Variants in ZNF107 observed in about 807,000 individuals in gnomAD.
ZNF107 encodes C2H2 type zinc-finger protein.
A neutral mutation model predicts 12.3 loss-of-function variants in ZNF107; 19 were observed. The ratio of observed to expected loss-of-function variants is 1.55; its 90% CI spans 1.08 to 2.27. The LOEUF (loss-of-function observed/expected upper bound fraction) is 2.27. Ranked by LOEUF, ZNF107 falls within the 30% of genes most tolerant of loss-of-function variation. The pLI is 0.00. For synonymous variants in ZNF107, 317 were observed against 330.5 expected (o/e 0.96, Z 0.44); for missense variants, 958 against 979.9 (o/e 0.98, Z 0.30).
chr7:64,704,268 A>G (rs946225138), intron 3 of ZNF107, among the ~76,000 whole-genome samples: 5 of 152,034 alleles, frequency 3.3e-5, no homozygotes, highest in Non-Finnish European at 5.9e-5. Context: ...TTTTTTTTAG[A>G]TGGAGTCTCA....
intron 1 of ZNF107, among the ~76,000 whole-genome samples, chr7:64,672,645 G>GACAC (rs1322985366): frequency 2.0e-5 from 3 of 152,214 alleles, no homozygotes; most frequent in Admixed American, 6.5e-5. Context: ...TTACAGGTGT[G>GACAC]AGCCACCGTG....
intron 3 of ZNF107, among the ~76,000 whole-genome samples, chr7:64,705,617 G>A (rs1210457096): frequency 1.3e-5 from 2 of 151,328 alleles, no homozygotes; most frequent in East Asian, 3.9e-4. Context: ...GGCATAGTTG[G>A]AAACCATTTG....
At chr7:64,666,975 C>G (rs1233541004) in intron 1 of ZNF107, among the ~76,000 whole-genome samples, 1 of 140,934 alleles carries the variant, frequency 7.1e-6, no homozygotes, top group African/African-American at 2.8e-5. Context: ...TTGATTAAGT[C>G]TAAATTTTGT....
Position 64,706,853 on chromosome 7 carries a change from T to C in ZNF107, c.756T>C (p.Thr252=). The part of the protein sequence containing the change: ...SQLTRHKIIH[T]EEKPNKCEEC... ...TTACTAGGCATAAGATAATTCATAC[T>C]GAAGAGAAACCCAACAAATGTGAAG... is the stretch of plus-strand genomic sequence containing the variant. Residue 252 remains threonine, a synonymous_variant, in exon 4 of 4, where the codon ACT becomes ACC. Coordinates refer to ENST00000620827, the MANE Select transcript of ZNF107 (RefSeq NM_001282359.2). The C allele has an allele frequency of 6.2e-7, 1 of 1,613,584 alleles. No individual in the cohort carries two copies. Among genetic ancestry groups the C allele is most frequent in the Non-Finnish European group, 8.5e-7 (1 of 1,179,774 alleles).
At chr7:64,697,979 C>T (rs1267578110) in intron 3 of ZNF107, among the ~76,000 whole-genome samples, 4 of 152,042 alleles carry the variant, frequency 2.6e-5, no homozygotes, top group Non-Finnish European at 4.4e-5. Context: ...CGCGCCCGGC[C>T]GGTAAAACAT....
At chr7:64,673,107 G>A (rs1043204338) in intron 1 of ZNF107, among the ~76,000 whole-genome samples, 2 of 152,148 alleles carry the variant, frequency 1.3e-5, no homozygotes, top group Non-Finnish European at 2.9e-5. Flanking sequence ...GCAGTGGCAC[G>A]ATCTTGGCTC....
intron 1 of ZNF107, among the ~76,000 whole-genome samples, chr7:64,678,418 T>G (rs1287966145): frequency 6.6e-6 from 1 of 152,230 alleles, no homozygotes; most frequent in Non-Finnish European, 1.5e-5. Flanking sequence ...TATGTAGTTG[T>G]TCTTTGGTTT....
At chr7:64,692,055 G>C in intron 3 of ZNF107, 95 bp downstream of exon 3, 1 of 843,206 alleles carries the variant, frequency 1.2e-6, no homozygotes, top group Non-Finnish European at 1.6e-6. Context: ...TTGGGAAGCT[G>C]TGTTCCAAAG....
chr7:64,671,666 A>G (rs976545421), intron 1 of ZNF107, among the ~76,000 whole-genome samples: 1 of 151,828 alleles, frequency 6.6e-6, no homozygotes, highest in African/African-American at 2.4e-5. Flanking sequence ...TGGAGTACAC[A>G]TGCAGTTTGT....
chr7:64,692,019 GA>G (rs1186739391), intron 3 of ZNF107, 59 bp downstream of exon 3: 8 of 1,140,542 alleles, frequency 7.0e-6, no homozygotes, highest in South Asian at 3.4e-5. Flanking sequence ...AAAGGTCAAA[GA>G]AAAAGCCAGT....
At chr7:64,700,461 G>A (rs935531827) in intron 3 of ZNF107, among the ~76,000 whole-genome samples, 1 of 145,226 alleles carries the variant, frequency 6.9e-6, no homozygotes, top group Non-Finnish European at 1.5e-5. Context: ...ATGCTGGCAT[G>A]CACTTCTTGT....
At chr7:64,700,831 T>C (rs752307633) in intron 3 of ZNF107, among the ~76,000 whole-genome samples, 4 of 152,184 alleles carry the variant, frequency 2.6e-5, no homozygotes, top group Non-Finnish European at 5.9e-5. Context: ...TGAGCCACCA[T>C]GCCTGGCCAT....
chr7:64,707,288 C>G lies in ZNF107; in HGVS notation c.1191C>G (p.Tyr397Ter), dbSNP rs376350739. The change falls in exon 4 of 4, where the codon TAC becomes TAG. Residue 397 changes from tyrosine (Y) to a stop codon, truncating the protein, a stop_gained. Coordinates refer to ENST00000620827, the MANE Select transcript of ZNF107 (RefSeq NM_001282359.2). LOFTEE classifies it low-confidence loss of function (END_TRUNC). ...HKKILMEEKPYKCEECGKVFN... is the reference protein window; with the variant it reads ...HKKILMEEKP ...AAATTCTAATGGAAGAGAAACCCTA[C>G]AAATGTGAAGAATGTGGCAAAGTCT... The G allele has an allele frequency of 1.9e-6, 3 of 1,613,352 alleles. No homozygotes were observed. The highest frequency in any genetic ancestry group is 2.2e-5 in the South Asian group (2 of 91,028).
chr7:64,673,037 C>CATTT (rs1177466709), intron 1 of ZNF107, among the ~76,000 whole-genome samples: 66 of 152,008 alleles, frequency 4.3e-4, no homozygotes, highest in African/African-American at 8.7e-4. Flanking sequence ...TAGTGATGAG[C>CATTT]ATTTATTTAT....
intron 1 of ZNF107, among the ~76,000 whole-genome samples, chr7:64,670,095 G>A (rs936933688): frequency 2.6e-5 from 4 of 152,140 alleles, no homozygotes; most frequent in African/African-American, 9.7e-5. Context: ...ACGTTAAGAT[G>A]GAAGGGGAAT....
rs1340923399 is a variant in ZNF107, at chr7:64,710,316, G to T, written c.*1660G>T. ...TATATTGGAGAAAAGCACTGTAAAT[G>T]TAATGCATTTGTGAAAACATTTTTT... On this transcript the variant is annotated 3_prime_UTR_variant, in exon 4 of 4. Coordinates refer to ENST00000620827, the MANE Select transcript of ZNF107 (RefSeq NM_001282359.2). 1 of 152,132 alleles carries T rather than the reference G, an allele frequency of 6.6e-6. No homozygotes were observed. Among genetic ancestry groups the T allele is most frequent in the Non-Finnish European group, 1.5e-5 (1 of 68,016 alleles). The allele number at this position is 152,132 out of a possible 1,614,324, so 9.4% of individuals were successfully genotyped here. A position where few individuals can be genotyped will look rare whatever the true frequency, so the allele number is the denominator to read the frequency against.
chr7:64,679,577 C>G (rs1383804943), intron 1 of ZNF107, among the ~76,000 whole-genome samples: 1 of 152,138 alleles, frequency 6.6e-6, no homozygotes, highest in Non-Finnish European at 1.5e-5. Context: ...CTCCCTGTCT[C>G]TCTGTTTCTT....
intron 3 of ZNF107, among the ~76,000 whole-genome samples, chr7:64,702,405 G>C (rs1433155636): frequency 6.6e-6 from 1 of 152,080 alleles, no homozygotes; most frequent in Non-Finnish European, 1.5e-5. Context: ...AAAGTGCTGG[G>C]ATTACAGGCG....
chr7:64,698,754 A>C (rs756846729), intron 3 of ZNF107, among the ~76,000 whole-genome samples: 79 of 152,330 alleles, frequency 5.2e-4, no homozygotes, highest in Non-Finnish European at 6.2e-4. Context: ...TATTTAAGAA[A>C]GTAATGCCAA....
Sources: gnomAD v4.1 joint callset for allele counts (sites outside exome capture counted in the v4.1 genomes callset) on GRCh38, gnomAD v4.1.1 for gene constraint, MANE v1.5 for transcripts, NCBI Gene and HGNC (gene_info 2026-07-23, HGNC 2026-07-21) for gene names.